Variants in CFAP97 observed in about 807,000 individuals in gnomAD.
The protein encoded by CFAP97 is cilia- and flagella-associated protein 97.
CFAP97 carries 36 observed loss-of-function variants against 43.1 expected under a neutral mutation model. The ratio of observed to expected loss-of-function variants is 0.84; its 90% CI spans 0.64 to 1.10. The LOEUF (loss-of-function observed/expected upper bound fraction) is 1.10, where lower values mean the gene tolerates loss of function less well. Ranked by LOEUF, CFAP97 falls within the 50% of genes least tolerant of loss-of-function variation. The pLI is 0.00. For missense variants in CFAP97, 657 were observed against 620.3 expected, an observed-to-expected ratio of 1.06 and a Z score of -0.63; for synonymous variants, 228 against 225.7, an observed-to-expected ratio of 1.01 and a Z score of -0.09.
At chr4:185,181,747 G>T (rs569502162) in intron 2 of CFAP97, among the ~76,000 whole-genome samples, 16 of 152,220 alleles carry the variant, frequency 1.1e-4, no homozygotes, top group African/African-American at 3.9e-4. Flanking sequence ...GTTGGTTTTT[G>T]CTTTTCTTAA....
chr4:185,187,677 C>T (rs1465831226), intron 2 of CFAP97, among the ~76,000 whole-genome samples: 1 of 151,762 alleles, frequency 6.6e-6, no homozygotes, highest in Non-Finnish European at 1.5e-5. Context: ...CTCAGTAATT[C>T]AACATCAGGT....
chr4:185,179,916 T>C (rs1381364812), intron 2 of CFAP97, among the ~76,000 whole-genome samples: 1 of 152,234 alleles, frequency 6.6e-6, no homozygotes, highest in Non-Finnish European at 1.5e-5. Flanking sequence ...TCCAGTTCTA[T>C]TTTGCCTTTA....
At position 185,209,040 on chromosome 4, in the gene CFAP97, T is replaced by A. The variant is rs1737342436; in HGVS notation, c.-74+285A>T. 6.6e-6 allele frequency among the ~76,000 whole-genome samples: 1 copy of A among 151,888 alleles called. No individual in the cohort carries two copies. On this transcript the variant is annotated intron_variant, in intron 1 of 2. Coordinates refer to the CFAP97 transcript ENST00000503223. This position sits in a 1 kb window ranked among gnomAD's most constrained non-coding sequence, Gnocchi z 5.2. ...ACAAAAACCAGAAGTGGAGCCAAAG[T>A]GATTATGGGCAGCTGCGTGCACCCT...
chr4:185,207,210 CTTTTTTTT>C (rs34373262), upstream of CFAP97, among the ~76,000 whole-genome samples: 380 of 76,854 alleles, frequency 4.9e-3, 13 homozygotes, highest in South Asian at 0.12. Flanking sequence ...ACCAGTCACA[CTTTTTTTT>C]TTTTTTTTTT....
intron 2 of CFAP97, among the ~76,000 whole-genome samples, chr4:185,184,206 A>G (rs1735915892): frequency 6.6e-6 from 1 of 152,192 alleles, no homozygotes; most frequent in Admixed American, 6.5e-5. Flanking sequence ...CTGAACCCAA[A>G]TCTGCATTTT....
At chr4:185,208,458 G>A (rs145700244), upstream of CFAP97, among the ~76,000 whole-genome samples, 85 of 152,196 alleles carry the variant, frequency 5.6e-4, 1 homozygote, top group Non-Finnish European at 1.0e-3. Flanking sequence ...GGCCGGGCGC[G>A]GTGGCTTACA....
chr4:185,203,679 T>G (rs1375954463), intron 1 of CFAP97: 1 of 152,158 alleles, frequency 6.6e-6, no homozygotes, highest in African/African-American at 2.4e-5. Flanking sequence ...GGACCCGCCA[T>G]TCTCACAGGG....
upstream of CFAP97, chr4:185,204,469 T>A (rs1463412273): frequency 6.6e-6 from 1 of 152,134 alleles, no homozygotes; most frequent in Non-Finnish European, 1.5e-5. Flanking sequence ...GTAAACGAGG[T>A]GGGTAGTTAA....
At chr4:185,193,761 T>G (rs983591420) in intron 1 of CFAP97, among the ~76,000 whole-genome samples, 2 of 151,960 alleles carry the variant, frequency 1.3e-5, no homozygotes, top group Non-Finnish European at 2.9e-5. Context: ...ATCTGTATCC[T>G]AAACCAGCCA....
chr4:185,206,660 CAAA>C (rs375061067), upstream of CFAP97, among the ~76,000 whole-genome samples: 120 of 77,436 alleles, frequency 1.5e-3, no homozygotes, highest in African/African-American at 5.9e-3. Flanking sequence ...ACTCTTGTCT[CAAA>C]AAAAAAAAAA....
chr4:185,169,287 G>T (rs1472602873), intron 3 of CFAP97: 1 of 152,232 alleles, frequency 6.6e-6, no homozygotes, highest in East Asian at 1.9e-4. Context: ...TTGGTGGAAG[G>T]TGATTGGATC....
chr4:185,180,540 A>C (rs1001405657), intron 2 of CFAP97, among the ~76,000 whole-genome samples: 3 of 152,108 alleles, frequency 2.0e-5, no homozygotes, highest in African/African-American at 7.2e-5. Flanking sequence ...TATTTCACTT[A>C]GCATAATGTC....
chr4:185,165,617 A>T (rs1177389988), intron 3 of CFAP97, among the ~76,000 whole-genome samples: 1 of 152,228 alleles, frequency 6.6e-6, no homozygotes, highest in Non-Finnish European at 1.5e-5. Context: ...GACCTGCACT[A>T]AGTTTCACAC....
intron 4 of CFAP97, among the ~76,000 whole-genome samples, chr4:185,163,802 G>A (rs1385559615): frequency 6.6e-6 from 1 of 151,958 alleles, no homozygotes; most frequent in African/African-American, 2.4e-5. Context: ...AGAACCTACT[G>A]ATATTTTTGA....
intron 2 of CFAP97, among the ~76,000 whole-genome samples, chr4:185,180,355 C>CCAT (rs1560862737): frequency 5.3e-5 from 8 of 152,100 alleles, no homozygotes; most frequent in African/African-American, 1.9e-4. Context: ...GTAACCATCA[C>CCAT]CACCACCAGT....
intron 1 of CFAP97, among the ~76,000 whole-genome samples, chr4:185,198,980 T>C (rs1475414138): frequency 1.3e-5 from 2 of 152,198 alleles, no homozygotes; most frequent in Admixed American, 1.3e-4. Context: ...AGTCAATACC[T>C]GGTCTCAACA....
chr4:185,180,071 C>T (rs1735722840), intron 2 of CFAP97, among the ~76,000 whole-genome samples: 1 of 152,062 alleles, frequency 6.6e-6, no homozygotes, highest in Non-Finnish European at 1.5e-5. Context: ...GTTTTACTTT[C>T]TCCTTGTTAA....
At position 185,162,497 on chromosome 4, in the gene CFAP97, T is replaced by C; in HGVS notation, c.*301A>G. On this transcript the variant is annotated 3_prime_UTR_variant, in exon 5 of 5. Coordinates refer to ENST00000458385, the MANE Select transcript of CFAP97 (RefSeq NM_020827.3). ...TGACCATCTTGGGTACGACATGCAATGATACTATCACTACTATTTTGACAG... is the reference window on the plus strand; with the variant it reads ...TGACCATCTTGGGTACGACATGCAACGATACTATCACTACTATTTTGACAG... 3.1e-6 allele frequency: 1 copy of C among 324,982 alleles called. No homozygotes were observed. Among genetic ancestry groups the C allele is most frequent in the Non-Finnish European group, 5.7e-6 (1 of 174,138 alleles). The allele number at this position is 324,982 out of a possible 1,614,324, so 20.1% of individuals were successfully genotyped here. A position where few individuals can be genotyped will look rare whatever the true frequency, so the allele number is the denominator to read the frequency against.
At chr4:185,172,850 CAAAAAA>C (rs1159858914) in intron 3 of CFAP97, among the ~76,000 whole-genome samples, 8 of 52,746 alleles carry the variant, frequency 1.5e-4, no homozygotes, top group African/African-American at 4.3e-4. Context: ...CCCATCTCTA[CAAAAAA>C]AAAAAAAAAA....
Sources: allele counts gnomAD v4.1 joint callset (sites outside exome capture counted in the v4.1 genomes callset), GRCh38; gene constraint gnomAD v4.1.1; non-coding constraint Gnocchi (gnomAD v3.1); transcripts MANE v1.5; gene names NCBI Gene and HGNC (gene_info 2026-07-23, HGNC 2026-07-21).